Variants in DPH6 observed in about 807,000 individuals in gnomAD.
DPH6 encodes the protein diphthine--ammonia ligase.
A neutral mutation model predicts 38.2 loss-of-function variants in DPH6; 33 were observed. The ratio of observed to expected loss-of-function variants is 0.86; its 90% CI spans 0.65 to 1.15. The LOEUF is 1.15. Among genes scored for constraint, DPH6 ranks in the 50% most tolerant of loss-of-function variants. The pLI is 0.00. For missense variants in DPH6, 325 were observed against 320.0 expected, an observed-to-expected ratio of 1.02 and a Z score of -0.12; for synonymous variants, 108 against 103.0, an observed-to-expected ratio of 1.05 and a Z score of -0.30.
At chr15:35,309,098 G>A (rs1375273841) in intron 3 of DPH6, among the ~76,000 whole-genome samples, 1 of 152,234 alleles carries the variant, frequency 6.6e-6, no homozygotes, top group Non-Finnish European at 1.5e-5. Context: ...TCTCACAACT[G>A]AAGTCTGATT....
chr15:35,183,853 A>G, the DPH6 span, among the ~76,000 whole-genome samples: 2 of 152,234 alleles, frequency 1.3e-5, no homozygotes, highest in South Asian at 2.1e-4. Context: ...CAGAATTTCA[A>G]TCAAGTTAAG....
chr15:35,213,699 A>G (rs2051397734), downstream of DPH6, among the ~76,000 whole-genome samples: 1 of 152,188 alleles, frequency 6.6e-6, no homozygotes, highest in East Asian at 1.9e-4. Context: ...CTGGACCCCA[A>G]TTACATCACA....
At chr15:35,342,385 A>G (rs2052428679) in intron 3 of DPH6, among the ~76,000 whole-genome samples, 1 of 152,244 alleles carries the variant, frequency 6.6e-6, no homozygotes, top group African/African-American at 2.4e-5. Flanking sequence ...GGGCCACACA[A>G]TCACTCACTG....
At chr15:35,475,960 G>C (rs2054259047) in intron 3 of DPH6, among the ~76,000 whole-genome samples, 1 of 151,526 alleles carries the variant, frequency 6.6e-6, no homozygotes, top group African/African-American at 2.4e-5. Context: ...TAAATGAAAA[G>C]AACAAAAATA....
At chr15:35,190,638 TTAACCA>T in the DPH6 span, among the ~76,000 whole-genome samples, 1 of 152,220 alleles carries the variant, frequency 6.6e-6, no homozygotes, top group East Asian at 1.9e-4. Flanking sequence ...GCATGACTCC[TTAACCA>T]TAACTTCCAG....
chr15:35,236,500 G>A (rs542171989), intron 3 of DPH6, among the ~76,000 whole-genome samples: 2 of 152,072 alleles, frequency 1.3e-5, no homozygotes, highest in African/African-American at 2.4e-5. Flanking sequence ...TTAGCCGGGC[G>A]TGTTGGCGGG....
intron 5 of DPH6, among the ~76,000 whole-genome samples, chr15:35,429,439 T>C (rs1313395631): frequency 6.6e-6 from 1 of 152,164 alleles, no homozygotes; most frequent in Non-Finnish European, 1.5e-5. Flanking sequence ...AAGTATTAGC[T>C]ATTTCAATAA....
intron 6 of DPH6, chr15:35,396,538 A>G (rs2053135991): frequency 6.6e-6 from 1 of 152,180 alleles, no homozygotes; most frequent in Non-Finnish European, 1.5e-5. Flanking sequence ...CAAAAATCCT[A>G]TCTATCCTTC....
intron 7 of DPH6, among the ~76,000 whole-genome samples, chr15:35,381,314 T>C (rs2140938238): frequency 6.6e-6 from 1 of 152,186 alleles, no homozygotes; most frequent in East Asian, 1.9e-4. Flanking sequence ...GAAATCACAC[T>C]ACTCACCATC....
intron 3 of DPH6, among the ~76,000 whole-genome samples, chr15:35,351,329 G>C (rs1653587124): frequency 6.6e-6 from 1 of 151,904 alleles, no homozygotes. Context: ...GCATATAGTT[G>C]GATTGTGTTG....
At chr15:35,373,241 A>G (rs949467921) in intron 8 of DPH6, among the ~76,000 whole-genome samples, 3 of 151,926 alleles carry the variant, frequency 2.0e-5, no homozygotes, top group East Asian at 3.9e-4. Flanking sequence ...TTAATATTTG[A>G]TTTTATATTG....
intron 3 of DPH6, among the ~76,000 whole-genome samples, chr15:35,361,311 T>C (rs1689055222): frequency 6.6e-6 from 1 of 152,204 alleles, no homozygotes; most frequent in African/African-American, 2.4e-5. Context: ...TTATTGTTAA[T>C]ATTGAGGGAT....
chr15:35,289,116 G>A (rs2051962649), intron 3 of DPH6, among the ~76,000 whole-genome samples: 2 of 152,180 alleles, frequency 1.3e-5, no homozygotes, highest in African/African-American at 2.4e-5. Flanking sequence ...ATAAAAGCCA[G>A]ATGGTTTCTA....
chr15:35,251,298 G>T (rs1057181299), intron 3 of DPH6, among the ~76,000 whole-genome samples: 1 of 151,984 alleles, frequency 6.6e-6, no homozygotes. Flanking sequence ...ACTGGCTATG[G>T]ATTCTCATCA....
At chr15:35,206,924 G>A in the DPH6 span, among the ~76,000 whole-genome samples, 1 of 150,304 alleles carries the variant, frequency 6.7e-6, no homozygotes, top group Admixed American at 6.6e-5. Flanking sequence ...GATGAATGAG[G>A]TATAACAACT....
At chr15:35,520,143 G>T in intron 3 of DPH6, 1 of 248,262 alleles carries the variant, frequency 4.0e-6, no homozygotes, top group Non-Finnish European at 6.2e-6. Flanking sequence ...TTGTCTAAAA[G>T]ACCAATTCCA....
chr15:35,353,086 A>T (rs2052529463), intron 3 of DPH6, among the ~76,000 whole-genome samples: 1 of 152,194 alleles, frequency 6.6e-6, no homozygotes, highest in Non-Finnish European at 1.5e-5. Context: ...TCTTTTGAGA[A>T]GTGTCTGTTC....
At chr15:35,272,982 C>T (rs2051832883) in intron 3 of DPH6, among the ~76,000 whole-genome samples, 1 of 151,588 alleles carries the variant, frequency 6.6e-6, no homozygotes, top group Admixed American at 6.6e-5. Context: ...TGTGATATAC[C>T]AGCCCCCCTT....
intron 3 of DPH6, among the ~76,000 whole-genome samples, chr15:35,528,583 A>T (rs1012740802): frequency 1.3e-5 from 2 of 151,994 alleles, no homozygotes; most frequent in African/African-American, 4.8e-5. Context: ...TCAGATACCT[A>T]GTATCTTAGT....
Sources: allele counts gnomAD v4.1 joint callset (sites outside exome capture counted in the v4.1 genomes callset), GRCh38; gene constraint gnomAD v4.1.1; transcripts MANE v1.5; gene names NCBI Gene and HGNC (gene_info 2026-07-23, HGNC 2026-07-21).